RABGAP1L: variants seen among roughly 807,000 people sequenced by gnomAD.
The protein encoded by RABGAP1L is RAB GTPase activating protein 1 like, also known as rab GTPase-activating protein 1-like.
Under a neutral mutation model 137.7 loss-of-function variants are expected in RABGAP1L, and 63 were observed. The observed-to-expected ratio is 0.46, with a 90% CI of 0.37 to 0.56. The LOEUF (loss-of-function observed/expected upper bound fraction) is 0.56, where lower values mean the gene tolerates loss of function less well. Ranked by LOEUF, RABGAP1L falls within the 20% of genes least tolerant of loss-of-function variation. The pLI, the probability that RABGAP1L is intolerant of heterozygous loss-of-function variation, is 0.00. For missense variants in RABGAP1L, 1,095 were observed against 1,244.0 expected (o/e 0.88, Z 1.80); for synonymous variants, 431 against 433.7 (o/e 0.99, Z 0.08).
intron 10 of RABGAP1L, among the ~76,000 whole-genome samples, chr1:174,279,670 T>C (rs1675322804): frequency 6.6e-6 from 1 of 152,218 alleles, no homozygotes; most frequent in African/African-American, 2.4e-5. Context: ...AAAATTATTA[T>C]GGCTGTTATT....
intron 17 of RABGAP1L, among the ~76,000 whole-genome samples, chr1:174,723,860 A>G (rs1251853131): frequency 6.6e-6 from 1 of 152,180 alleles, no homozygotes; most frequent in Non-Finnish European, 1.5e-5. Context: ...ATGCATTGTT[A>G]TATAAATAGG....
At position 174,528,587 on chromosome 1, in the gene RABGAP1L, T is replaced by G. The variant is rs533658147; in HGVS notation, c.1711-108788T>G. Among the ~76,000 whole-genome samples, 10 of 151,768 alleles carry G rather than the reference T, an allele frequency of 6.6e-5. No individual in the cohort carries two copies. In the East Asian group the frequency reaches 1.7e-3, roughly 26 times the overall value. On this transcript the variant is annotated intron_variant, in intron 13 of 25. Transcript: ENST00000681986. ...GAAACTCATTGTTAGTCTGATGGTT[T>G]TTTTTTTTTTTAATTATAGGTGCCG...
chr1:174,756,374 T>G (rs900663384), intron 18 of RABGAP1L, among the ~76,000 whole-genome samples: 2 of 152,018 alleles, frequency 1.3e-5, no homozygotes, highest in African/African-American at 2.4e-5. Context: ...GGTCTCGAAC[T>G]CCTAACCTCA....
chr1:174,161,812 A>G (rs1664482230), intron 1 of RABGAP1L, among the ~76,000 whole-genome samples: 2 of 152,174 alleles, frequency 1.3e-5, no homozygotes, highest in African/African-American at 2.4e-5. Flanking sequence ...CACTGCAGCC[A>G]CGAAGTTCTG....
At chr1:174,299,530 C>T (rs1476040273) in intron 10 of RABGAP1L, among the ~76,000 whole-genome samples, 1 of 152,188 alleles carries the variant, frequency 6.6e-6, no homozygotes, top group Non-Finnish European at 1.5e-5. Flanking sequence ...GCTATATTGC[C>T]ATAAGAAGGC....
chr1:174,556,159 G>T (rs535216079), intron 13 of RABGAP1L, among the ~76,000 whole-genome samples: 2 of 151,736 alleles, frequency 1.3e-5, no homozygotes, highest in African/African-American at 4.8e-5. Context: ...CACTGTGCCC[G>T]GCTAATTTTT....
chr1:174,946,638 CG>C (rs1390612334), intron 19 of RABGAP1L, among the ~76,000 whole-genome samples: 2 of 151,934 alleles, frequency 1.3e-5, no homozygotes, highest in Admixed American at 1.3e-4. Context: ...CTGTGGCTCA[CG>C]CCTGTCATCC....
At position 174,651,168 on chromosome 1, in the gene RABGAP1L, G is replaced by A. The variant is rs369843233; in HGVS notation, c.1824+13680G>A. Reference sequence around the variant, plus strand: ...TTTTGAGTGAGTTTCTTAATCCTGAGTTCTAGTTTGATTGCACTGTGGTCT... The same window carrying A: ...TTTTGAGTGAGTTTCTTAATCCTGAATTCTAGTTTGATTGCACTGTGGTCT... On this transcript the variant is annotated intron_variant, in intron 14 of 25. Coordinates refer to ENST00000681986, the MANE Select transcript of RABGAP1L (RefSeq NM_001366446.1). 2.8e-4 allele frequency among the ~76,000 whole-genome samples: 43 copies of A among 152,094 alleles called. No individual in the cohort carries two copies. In the East Asian group the frequency reaches 8.1e-3, roughly 29 times the overall value.
At chr1:174,617,627 A>G (rs1031737769) in intron 13 of RABGAP1L, among the ~76,000 whole-genome samples, 5 of 152,234 alleles carry the variant, frequency 3.3e-5, no homozygotes, top group African/African-American at 7.2e-5. Context: ...TACAATGGCA[A>G]TTATATAACC....
At position 174,885,945 on chromosome 1, in the gene RABGAP1L, C is replaced by T. The variant is rs1467089424; in HGVS notation, c.2341-71512C>T. Among the ~76,000 whole-genome samples the T allele has an allele frequency of 3.3e-5, 5 of 150,880 alleles. 1 individual carries two copies. Among genetic ancestry groups the T allele is most frequent in the African/African-American group, 7.3e-5 (3 of 40,998 alleles). On this transcript the variant is annotated intron_variant, in intron 19 of 25. Coordinates refer to ENST00000681986, the MANE Select transcript of RABGAP1L (RefSeq NM_001366446.1). ...TCGCACCACTGCACTCCAGCCTGGG[C>T]GACAGAGCAGGACTCCATCTCAAAA...
chr1:174,957,147 G>T (rs1010085754), intron 19 of RABGAP1L, among the ~76,000 whole-genome samples: 1 of 152,140 alleles, frequency 6.6e-6, no homozygotes, highest in Non-Finnish European at 1.5e-5. Context: ...GCCTGTTTCT[G>T]TAAATTAAGT....
intron 19 of RABGAP1L, among the ~76,000 whole-genome samples, chr1:174,937,792 G>A (rs1302760944): frequency 6.7e-6 from 1 of 149,426 alleles, no homozygotes; most frequent in Admixed American, 6.7e-5. Context: ...CACCTCCCGG[G>A]TTCAAGTGAT....
chr1:174,399,650 G>A (rs1006911024), intron 13 of RABGAP1L, among the ~76,000 whole-genome samples: 5 of 152,140 alleles, frequency 3.3e-5, no homozygotes, highest in African/African-American at 9.7e-5. Flanking sequence ...AAAGGAAAGA[G>A]GTTTAATTGA....
chr1:174,416,398 A>T (rs2149147315), intron 13 of RABGAP1L, among the ~76,000 whole-genome samples: 1 of 152,220 alleles, frequency 6.6e-6, no homozygotes, highest in Middle Eastern at 3.4e-3. Context: ...TGTCCCAGTT[A>T]AAAGAGGTAA....
At chr1:174,550,999 C>CATATACATATATATAT (rs1666476787) in intron 13 of RABGAP1L, among the ~76,000 whole-genome samples, 1 of 86,372 alleles carries the variant, frequency 1.2e-5, no homozygotes, top group African/African-American at 8.3e-5. Context: ...TATATATACA[C>CATATACATATATATAT]ATATATATAT....
intron 13 of RABGAP1L, among the ~76,000 whole-genome samples, chr1:174,633,557 A>G (rs1406218251): frequency 1.4e-5 from 2 of 146,862 alleles, no homozygotes; most frequent in South Asian, 2.1e-4. Flanking sequence ...TGGAACCAAA[A>G]AAGAGCCTGC....
At chr1:174,783,769 C>CA (rs1687223478) in intron 18 of RABGAP1L, among the ~76,000 whole-genome samples, 1 of 130,550 alleles carries the variant, frequency 7.7e-6, no homozygotes, top group Non-Finnish European at 1.5e-5. Flanking sequence ...AGTGCAGTGG[C>CA]GTGATCCCAG....
Position 174,614,969 on chromosome 1 carries a change from A to C in RABGAP1L, c.1711-22406A>C, listed in dbSNP as rs1481141421. 5.9e-5 allele frequency among the ~76,000 whole-genome samples: 9 copies of C among 152,208 alleles called. No individual in the cohort carries two copies. In the South Asian group the frequency reaches 1.0e-3, roughly 18 times the overall value. ...CTTCTCTATATTGGTTATTCTAGTT[A>C]TACATTTGTCTAAATTTTTTTCAAA... On this transcript the variant is annotated intron_variant, in intron 13 of 25. Transcript: ENST00000681986.
intron 17 of RABGAP1L, 130 bp from the exon 18 acceptor site, chr1:174,752,183 T>C (rs1684396997): frequency 1.4e-6 from 1 of 695,796 alleles, no homozygotes; most frequent in Non-Finnish European, 2.4e-6. Context: ...AAAAAACTCA[T>C]GGTTTAATTA....
Sources: allele counts gnomAD v4.1 joint callset (sites outside exome capture counted in the v4.1 genomes callset), GRCh38; gene constraint gnomAD v4.1.1; transcripts MANE v1.5; gene names NCBI Gene and HGNC (gene_info 2026-07-23, HGNC 2026-07-21).